SMIM35: variants seen among roughly 807,000 people sequenced by gnomAD.
SMIM35 encodes TMPRSS4 antisense RNA 1 (non-protein coding).
chr11:118,026,875 A>G lies in SMIM35; in HGVS notation c.8-11066T>C, dbSNP rs192113266. ...GTAGCCAAGAATCTATGGTAAACTGATATGCCTCTTCACAAAATCCAAATT... is the reference window on the plus strand; with the variant it reads ...GTAGCCAAGAATCTATGGTAAACTGGTATGCCTCTTCACAAAATCCAAATT... On this transcript the variant is annotated intron_variant, in intron 1 of 4. Coordinates refer to ENST00000689828, the MANE Select transcript of SMIM35 (RefSeq NM_001394165.1). Among the ~76,000 whole-genome samples the G allele has an allele frequency of 7.1e-3, 1,084 of 152,250 alleles. 8 individuals carry two copies. The highest frequency in any genetic ancestry group is 9.3e-3 in the Non-Finnish European group (630 of 68,016).
At chr11:118,015,576 G>A in intron 2 of SMIM35, 117 bp downstream of exon 2, 1 of 395,802 alleles carries the variant, frequency 2.5e-6, no homozygotes, top group Admixed American at 4.4e-5. Flanking sequence ...ACCACCACAG[G>A]AAATATTTTT....
At chr11:118,028,700 A>G (rs1197184949) in intron 1 of SMIM35, 1 of 319,924 alleles carries the variant, frequency 3.1e-6, no homozygotes, top group South Asian at 2.6e-5. Context: ...AGAGGAAAAA[A>G]GTCTAAAAAC....
chr11:118,012,814 C>A (rs754330260), intron 4 of SMIM35, among the ~76,000 whole-genome samples: 1 of 152,200 alleles, frequency 6.6e-6, no homozygotes, highest in African/African-American at 2.4e-5. Context: ...TGTCTGGAAT[C>A]ACCTCTGTAT....
intron 1 of SMIM35, among the ~76,000 whole-genome samples, chr11:118,021,081 A>C (rs1380719051): frequency 7.4e-6 from 1 of 135,706 alleles, no homozygotes; most frequent in Non-Finnish European, 1.6e-5. Flanking sequence ...GATGGACATG[A>C]GTTATAGAAT....
chr11:118,083,409 C>T (rs984313780), intron 1 of SMIM35, among the ~76,000 whole-genome samples: 36 of 152,180 alleles, frequency 2.4e-4, no homozygotes, highest in Non-Finnish European at 4.4e-5. Flanking sequence ...GCCCTGGTCA[C>T]TGTCCCCAGA....
chr11:118,024,780 T>C (rs2058260386), intron 1 of SMIM35, among the ~76,000 whole-genome samples: 1 of 152,170 alleles, frequency 6.6e-6, no homozygotes. Flanking sequence ...GCCTCAACTT[T>C]TATTTTAGAT....
rs1943994718 is a variant in SMIM35 at position 118,041,224 on chromosome 11, T to C, written c.8-25415A>G. On this transcript the variant is annotated intron_variant, in intron 1 of 4. Transcript: ENST00000689828. ...AAACTCAACAATAATAAGTGAAAGCTTCAAAATTCCACTTTTAATATTGGA... is the reference window on the plus strand; with the variant it reads ...AAACTCAACAATAATAAGTGAAAGCCTCAAAATTCCACTTTTAATATTGGA... Among the ~76,000 whole-genome samples, 4 of 152,226 alleles carry C rather than the reference T, an allele frequency of 2.6e-5. No individual in the cohort carries two copies. In the South Asian group the frequency reaches 8.3e-4, roughly 32 times the overall value.
At chr11:118,032,832 C>G (rs1037191034) in intron 1 of SMIM35, among the ~76,000 whole-genome samples, 1 of 152,140 alleles carries the variant, frequency 6.6e-6, no homozygotes, top group Non-Finnish European at 1.5e-5. Context: ...CACTTGAACT[C>G]AGGAGGTGGA....
intron 4 of SMIM35, among the ~76,000 whole-genome samples, chr11:118,010,525 T>C (rs964592773): frequency 2.6e-5 from 4 of 152,206 alleles, no homozygotes; most frequent in African/African-American, 9.7e-5. Flanking sequence ...TAAAGACCTA[T>C]GGAACATAAC....
At chr11:118,078,566 G>A (rs1262462760) in intron 1 of SMIM35, among the ~76,000 whole-genome samples, 1 of 152,204 alleles carries the variant, frequency 6.6e-6, no homozygotes, top group Non-Finnish European at 1.5e-5. Flanking sequence ...CATCCAAGGA[G>A]GCGCCCCAAA....
intron 1 of SMIM35, among the ~76,000 whole-genome samples, chr11:118,086,305 C>T (rs950768635): frequency 2.0e-5 from 3 of 152,258 alleles, no homozygotes; most frequent in Non-Finnish European, 4.4e-5. Flanking sequence ...CTCCTCCCTT[C>T]TGCCCCAGGC....
chr11:118,026,047 G>A (rs1450238260), intron 1 of SMIM35, among the ~76,000 whole-genome samples: 1 of 152,042 alleles, frequency 6.6e-6, no homozygotes, highest in Non-Finnish European at 1.5e-5. Flanking sequence ...TTTTGAATAG[G>A]GACTCCTTTC....
chr11:118,058,498 C>T (rs780224256), intron 1 of SMIM35, among the ~76,000 whole-genome samples: 3 of 152,130 alleles, frequency 2.0e-5, no homozygotes, highest in Non-Finnish European at 2.9e-5. Context: ...GAAGAAATGA[C>T]GGGGCGAGGA....
At position 118,013,802 on chromosome 11, in the gene SMIM35, C is replaced by T. The variant is rs897278834; in HGVS notation, c.237G>A (p.Lys79=). The T allele has an allele frequency of 5.0e-5, 20 of 398,964 alleles. No homozygotes were observed. Among genetic ancestry groups the T allele is most frequent in the Non-Finnish European group, 8.4e-5 (19 of 226,094 alleles). The allele number at this position is 398,964 out of a possible 1,614,324, so 24.7% of individuals were successfully genotyped here. A position where few individuals can be genotyped will look rare whatever the true frequency, so the allele number is the denominator to read the frequency against. The change falls in exon 4 of 5, where the codon AAG becomes AAA. Residue 79 remains lysine, a synonymous_variant. Coordinates refer to ENST00000689828, the MANE Select transcript of SMIM35 (RefSeq NM_001394165.1). ...TGCATCAGACTAGCCCGTTGGAGAA[C>T]TTCATGTAGCCACCATCTGTGCTGC... is the stretch of plus-strand genomic sequence containing the variant. ...HISSTDGGYM[K]FSNGLV
chr11:118,054,204 T>C (rs1293368128), intron 1 of SMIM35, among the ~76,000 whole-genome samples: 1 of 151,966 alleles, frequency 6.6e-6, no homozygotes, highest in African/African-American at 2.4e-5. Flanking sequence ...TGTTTGTTTG[T>C]TTGCTTGTTT....
chr11:118,077,477 C>A (rs373666401), intron 1 of SMIM35, among the ~76,000 whole-genome samples: 2 of 152,178 alleles, frequency 1.3e-5, no homozygotes, highest in Admixed American at 6.5e-5. Flanking sequence ...CGTCTCATAC[C>A]CACCTGCCTT....
chr11:118,057,288 G>A (rs1433207814), intron 1 of SMIM35, among the ~76,000 whole-genome samples: 1 of 152,184 alleles, frequency 6.6e-6, no homozygotes, highest in Non-Finnish European at 1.5e-5. Flanking sequence ...ATGTGTATGG[G>A]AGTGGGAAGG....
At chr11:118,046,490 C>T (rs1255772570) in intron 1 of SMIM35, among the ~76,000 whole-genome samples, 2 of 152,188 alleles carry the variant, frequency 1.3e-5, no homozygotes, top group African/African-American at 4.8e-5. Context: ...GCAGTCTTAA[C>T]ATCAGGTAGT....
intron 1 of SMIM35, among the ~76,000 whole-genome samples, chr11:118,031,533 C>T (rs1261866999): frequency 1.3e-5 from 2 of 151,850 alleles, no homozygotes; most frequent in East Asian, 1.9e-4. Context: ...CAAGGGAAGG[C>T]GAGAGTATCA....
Sources: gnomAD v4.1 joint callset for allele counts (sites outside exome capture counted in the v4.1 genomes callset) on GRCh38, gnomAD v4.1.1 for gene constraint, MANE v1.5 for transcripts, NCBI Gene and HGNC (gene_info 2026-07-23, HGNC 2026-07-21) for gene names.